NIPBL: variants seen among roughly 807,000 people sequenced by gnomAD.
NIPBL encodes the protein nipped-B-like protein.
In NIPBL, 19 loss-of-function variants were observed where a neutral mutation model predicts 321.8. That is an observed-to-expected ratio of 0.06 (90% CI 0.04 to 0.09). NIPBL has a LOEUF of 0.09. NIPBL is among the 10% of genes least tolerant of loss of function. NIPBL has a pLI of 1.00. For missense variants in NIPBL, 2,210 were observed against 3,327.0 expected, an observed-to-expected ratio of 0.66 and a Z score of 8.26; for synonymous variants, 1,106 against 1,114.1, an observed-to-expected ratio of 0.99 and a Z score of 0.14.
intron 1 of NIPBL, among the ~76,000 whole-genome samples, chr5:36,913,202 A>G (rs1748183867): frequency 6.6e-6 from 1 of 152,162 alleles, no homozygotes; most frequent in Non-Finnish European, 1.5e-5. Context: ...AAATGTGATA[A>G]TTTATTGTTG....
chr5:36,883,064 A>G (rs1189018177), intron 1 of NIPBL, among the ~76,000 whole-genome samples: 1 of 151,972 alleles, frequency 6.6e-6, no homozygotes. Flanking sequence ...TTCTCAGGCT[A>G]TAACAATACT....
chr5:36,964,540 A>G (rs1035107627), intron 6 of NIPBL, among the ~76,000 whole-genome samples: 1 of 152,138 alleles, frequency 6.6e-6, no homozygotes, highest in Non-Finnish European at 1.5e-5. Flanking sequence ...TAAACTCAAA[A>G]TGGATTAAAT....
chr5:36,955,904 A>G (rs1032580512), intron 3 of NIPBL, among the ~76,000 whole-genome samples: 3 of 151,944 alleles, frequency 2.0e-5, no homozygotes, highest in Admixed American at 6.6e-5. Context: ...GGGATCCATC[A>G]TTTGTGCAGA....
chr5:37,005,841 T>C (rs1014180728), intron 16 of NIPBL, among the ~76,000 whole-genome samples: 8 of 152,150 alleles, frequency 5.3e-5, no homozygotes, highest in Admixed American at 3.3e-4. Flanking sequence ...AAGTCTTCAT[T>C]AGTCTGCATA....
chr5:36,973,187 ATATAT>A (rs1320148921), intron 8 of NIPBL, among the ~76,000 whole-genome samples: 2 of 152,146 alleles, frequency 1.3e-5, no homozygotes, highest in African/African-American at 4.8e-5. Context: ...ATAGCTGGTA[ATATAT>A]TCTCTCAAGT....
At chr5:36,934,998 C>G (rs879301174) in intron 1 of NIPBL, among the ~76,000 whole-genome samples, 2 of 152,052 alleles carry the variant, frequency 1.3e-5, no homozygotes, top group Non-Finnish European at 2.9e-5. Flanking sequence ...CTTCAGTGTC[C>G]CTCTTTTCCT....
chr5:36,910,944 CT>C (rs919175808), intron 1 of NIPBL, among the ~76,000 whole-genome samples: 4 of 152,132 alleles, frequency 2.6e-5, no homozygotes, highest in African/African-American at 9.7e-5. Flanking sequence ...CATGTCTGCT[CT>C]TTTTCTAATA....
chr5:37,007,230 G>A, intron 17 of NIPBL, 93 bp from the exon 18 acceptor site: 2 of 1,066,368 alleles, frequency 1.9e-6, no homozygotes, highest in Admixed American at 2.0e-5. Context: ...CTAGAAAATT[G>A]TGTTCTCTTA....
intron 29 of NIPBL, 126 bp downstream of exon 29, chr5:37,022,516 G>T: frequency 2.5e-6 from 2 of 815,970 alleles, no homozygotes; most frequent in Admixed American, 3.1e-5. Flanking sequence ...TCAAATTTAT[G>T]AACTATTGCC....
intron 25 of NIPBL, among the ~76,000 whole-genome samples, 160 bp from the exon 26 acceptor site, chr5:37,020,299 A>G (rs1332152809): frequency 1.3e-5 from 2 of 152,218 alleles, no homozygotes; most frequent in African/African-American, 2.4e-5. Flanking sequence ...AGGATATTCT[A>G]TATTTTCTGG....
At chr5:36,948,587 GAAAATAAGGGGTTTGTGCTTGGTA>G (rs910511749) in intron 1 of NIPBL, among the ~76,000 whole-genome samples, 4 of 151,878 alleles carry the variant, frequency 2.6e-5, no homozygotes, top group African/African-American at 9.7e-5. Flanking sequence ...CAAAGATGGA[GAAAATAAGGGGTTTGTGCTTGGTA>G]AGATTCATTT....
At chr5:36,961,800 A>G (rs527592207) in intron 5 of NIPBL, among the ~76,000 whole-genome samples, 1 of 152,362 alleles carries the variant, frequency 6.6e-6, no homozygotes, top group African/African-American at 2.4e-5. Context: ...ATGTAATTTC[A>G]TACAGACAAA....
chr5:37,053,703 T>C (rs1753802447), intron 42 of NIPBL, among the ~76,000 whole-genome samples: 1 of 152,240 alleles, frequency 6.6e-6, no homozygotes, highest in Admixed American at 6.5e-5. Context: ...ACTAGTTGCA[T>C]TGGCCAGGAC....
At chr5:37,060,574 T>C (rs1754560813) in intron 44 of NIPBL, among the ~76,000 whole-genome samples, 1 of 152,184 alleles carries the variant, frequency 6.6e-6, no homozygotes, top group Admixed American at 6.5e-5. Flanking sequence ...GCAGAGTTGT[T>C]AATAACCTGA....
chr5:37,059,396 A>T (rs1024294354), intron 44 of NIPBL, among the ~76,000 whole-genome samples: 2 of 152,126 alleles, frequency 1.3e-5, no homozygotes, highest in Non-Finnish European at 2.9e-5. Flanking sequence ...GACCCCAGCT[A>T]CTCAGGAGAC....
rs1263861887 is a variant in NIPBL, at chr5:36,911,669, T to TA, written c.-80+34492dup. Among the ~76,000 whole-genome samples, 10 of 152,346 alleles carry TA rather than the reference T, an allele frequency of 6.6e-5. No homozygotes were observed. In the East Asian group the frequency reaches 1.7e-3, roughly 26 times the overall value. ...ACTTAATAGAACATCTTGCACATAA[T>TA]ATAGAGGCTCAGCAAATATTTCCTG... On this transcript the variant is annotated intron_variant, in intron 1 of 46. Coordinates refer to ENST00000282516, the MANE Select transcript of NIPBL (RefSeq NM_133433.4).
At chr5:36,878,500 TTTTG>T (rs1745263711) in intron 1 of NIPBL, among the ~76,000 whole-genome samples, 1 of 152,190 alleles carries the variant, frequency 6.6e-6, no homozygotes, top group South Asian at 2.1e-4. Flanking sequence ...CGTTTTGATA[TTTTG>T]TTTCATATTC....
chr5:36,909,464 C>G (rs920165929), intron 1 of NIPBL, among the ~76,000 whole-genome samples: 2 of 152,092 alleles, frequency 1.3e-5, no homozygotes, highest in Non-Finnish European at 2.9e-5. Flanking sequence ...TTTTGCACTA[C>G]TGTTTGAATC....
chr5:36,983,775 C>A (rs1239127151), intron 9 of NIPBL, among the ~76,000 whole-genome samples: 1 of 151,870 alleles, frequency 6.6e-6, no homozygotes, highest in Admixed American at 6.6e-5. Flanking sequence ...GTTAAAAATA[C>A]CTTCACATTT....
Sources: gnomAD v4.1 joint callset for allele counts (sites outside exome capture counted in the v4.1 genomes callset) on GRCh38, gnomAD v4.1.1 for gene constraint, MANE v1.5 for transcripts, NCBI Gene and HGNC (gene_info 2026-07-23, HGNC 2026-07-21) for gene names.